The following ZNF367 variants were observed in gnomAD, a reference collection of about 807,000 sequenced individuals.
ZNF367 encodes C2H2 zinc finger protein ZFF29.
A neutral mutation model predicts 31.8 loss-of-function variants in ZNF367; 11 were observed. The observed-to-expected ratio is 0.35, with a 90% CI of 0.22 to 0.57. The LOEUF is 0.57. ZNF367 is among the 20% of genes least tolerant of loss of function. The pLI is 0.85. For synonymous variants in ZNF367, 199 were observed against 202.4 expected (o/e 0.98, Z 0.14); for missense variants, 353 against 484.1 (o/e 0.73, Z 2.54).
intron 1 of ZNF367, chr9:96,407,321 G>A (rs13301347): frequency 0.03 from 47,461 of 1,566,814 alleles, 867 homozygotes; most frequent in Middle Eastern, 0.053. Flanking sequence ...CACCGTAAAC[G>A]CTATGGATAC....
chr9:96,411,357 G>A (rs1307773585), intron 1 of ZNF367, among the ~76,000 whole-genome samples: 1 of 151,666 alleles, frequency 6.6e-6, no homozygotes, highest in South Asian at 2.1e-4. Flanking sequence ...GATCAGCCTG[G>A]GCAGCATAGC....
In ZNF367 at chr9:96,388,324, G is replaced by T; in HGVS notation, c.966C>A (p.Arg322=). 6.2e-7 allele frequency: 1 copy of T among 1,612,522 alleles called. No homozygotes were observed. The highest frequency in any genetic ancestry group is 8.5e-7 in the Non-Finnish European group (1 of 1,180,016). The part of the protein sequence containing the change: ...EEDDEKRGAQ[R]RLQEQRERLH... The stretch of plus-strand genomic sequence containing the variant: ...GGCGCTCCCGCTGCTCCTGCAGCCG[G>T]CGCTGGGCCCCTCTCTTCTCGTCGT... Residue 322 remains arginine, a synonymous_variant, in exon 5 of 5, where the codon CGC becomes CGA. Transcript: ENST00000375256.
In ZNF367 at chr9:96,417,066, T is replaced by C. The variant is rs1425383257; in HGVS notation, c.420+547A>G. Among the ~76,000 whole-genome samples the C allele has an allele frequency of 2.0e-5, 3 of 152,214 alleles. No homozygotes were observed. Among genetic ancestry groups the C allele is most frequent in the Non-Finnish European group, 4.4e-5 (3 of 68,032 alleles). ...GCAATTTTAGCGTCCCATTCCACTA[T>C]GTGCTCTCAACACCTAGCAAGTAGT... On this transcript the variant is annotated intron_variant, in intron 1 of 4. Coordinates refer to ENST00000375256, the MANE Select transcript of ZNF367 (RefSeq NM_153695.4). The surrounding 1 kb of genome is among the most constrained non-coding windows in gnomAD (Gnocchi z 5.0).
chr9:96,399,638 C>T (rs373242046), intron 1 of ZNF367, among the ~76,000 whole-genome samples: 11 of 152,072 alleles, frequency 7.2e-5, no homozygotes, highest in African/African-American at 1.7e-4. Context: ...GCCAACATGG[C>T]GAAACCCCAT....
At chr9:96,413,951 G>T (rs1362988295) in intron 1 of ZNF367, among the ~76,000 whole-genome samples, 9 of 151,830 alleles carry the variant, frequency 5.9e-5, no homozygotes, top group African/African-American at 2.2e-4. Flanking sequence ...AATGTTATTG[G>T]CACTGGCTAT....
chr9:96,403,734 A>G (rs139882743), intron 1 of ZNF367, among the ~76,000 whole-genome samples: 63 of 152,360 alleles, frequency 4.1e-4, no homozygotes, highest in African/African-American at 1.5e-3. Context: ...TTGATTTTCA[A>G]CAAGGGACCC....
Position 96,394,954 on chromosome 9 carries a change from G to C in ZNF367, c.572-12C>G. The C allele has an allele frequency of 5.6e-6, 9 of 1,613,252 alleles. No individual in the cohort carries two copies. In the South Asian group the frequency reaches 7.7e-5, roughly 14 times the overall value. ...ATAGGGCCTCTCACCTAAGTAGACA[G>C]ATGTTAGATATTATATCTGAGATAA... is the stretch of plus-strand genomic sequence containing the variant. On this transcript the variant is annotated splice_polypyrimidine_tract_variant and intron_variant, in intron 2 of 4. Coordinates refer to ENST00000375256, the MANE Select transcript of ZNF367 (RefSeq NM_153695.4).
chr9:96,411,382 C>CAA (rs1282481338), intron 1 of ZNF367, among the ~76,000 whole-genome samples: 2 of 118,584 alleles, frequency 1.7e-5, no homozygotes, highest in East Asian at 2.6e-4. Flanking sequence ...CCCCTGTCTA[C>CAA]AAAAAAAAAA....
chr9:96,397,858 G>A (rs1344667720), intron 2 of ZNF367, among the ~76,000 whole-genome samples: 2 of 151,978 alleles, frequency 1.3e-5, no homozygotes, highest in Non-Finnish European at 2.9e-5. Flanking sequence ...TTGGGAGGCC[G>A]AGGCAGGCGG....
At chr9:96,406,941 G>A (rs1831677732) in intron 1 of ZNF367, among the ~76,000 whole-genome samples, 1 of 136,972 alleles carries the variant, frequency 7.3e-6, no homozygotes, top group African/African-American at 2.8e-5. Context: ...GGCAGAGCTT[G>A]CAGTCAGCCG....
At chr9:96,407,645 C>T in intron 1 of ZNF367, 2 of 1,441,822 alleles carry the variant, frequency 1.4e-6, no homozygotes, top group Non-Finnish European at 9.7e-7. Flanking sequence ...TGGGAAGTCC[C>T]TCTGCCTAAA....
chr9:96,416,081 T>TTTG (rs1831825257), intron 1 of ZNF367, among the ~76,000 whole-genome samples: 3 of 147,764 alleles, frequency 2.0e-5, no homozygotes, highest in Admixed American at 6.7e-5. Context: ...GGTTTTTTTT[T>TTTG]TTGTTGTTTT....
rs1831424196 is a variant in ZNF367 at position 96,387,931 on chromosome 9, T to C, written c.*306A>G. ...AGTGTCTTATTCAGAAAGTGCTTCC[T>C]GTGAGAACTGCTTCCAATGAATGCA... is the stretch of plus-strand genomic sequence containing the variant. On this transcript the variant is annotated 3_prime_UTR_variant, in exon 5 of 5. Transcript: ENST00000375256. The C allele has an allele frequency of 3.3e-6, 1 of 304,842 alleles. No individual in the cohort carries two copies. The highest frequency in any genetic ancestry group is 2.1e-5 in the African/African-American group (1 of 46,538). The allele number at this position is 304,842 out of a possible 1,614,324, so 18.9% of individuals were successfully genotyped here. A position where few individuals can be genotyped will look rare whatever the true frequency, so the allele number is the denominator to read the frequency against.
chr9:96,392,746 G>A (rs1831486671), intron 3 of ZNF367, among the ~76,000 whole-genome samples: 1 of 152,232 alleles, frequency 6.6e-6, no homozygotes, highest in South Asian at 2.1e-4. Context: ...TCGTGGCCAT[G>A]TGTGTCCAAC....
In ZNF367 at chr9:96,392,465, C is replaced by T. The variant is rs1300022740; in HGVS notation, c.763G>A (p.Glu255Lys). Residue 255 changes from glutamate (E) to lysine (K), a missense_variant, in exon 4 of 5, where the codon GAG becomes AAG. Around this residue, in one of 5 missense-constraint regions of ZNF367, gnomAD observed 101 missense variants for 140.0 expected, o/e 0.72. Coordinates refer to ENST00000375256, the MANE Select transcript of ZNF367 (RefSeq NM_153695.4). ...TGTTTGCTGAGTGTGTCCGTGGGCT[C>T]CTCTCTCTTCAGCCTGGCGTAGGGG... ...KHPYARLKRE[E>K]PTDTLSKHQA... The T allele has an allele frequency of 1.2e-6, 2 of 1,614,066 alleles. No individual in the cohort carries two copies. Among genetic ancestry groups the T allele is most frequent in the Non-Finnish European group, 8.5e-7 (1 of 1,179,960 alleles).
intron 1 of ZNF367, among the ~76,000 whole-genome samples, chr9:96,415,479 ATTTTTTTTTTTTTTTTTTT>A (rs56349404): frequency 6.4e-4 from 24 of 37,786 alleles, no homozygotes; most frequent in Middle Eastern, 0.019. Flanking sequence ...TAGTTTCTTC[ATTTTTTTTTTTTTTTTTTT>A]TTTTTTTTTT....
intron 1 of ZNF367, among the ~76,000 whole-genome samples, chr9:96,399,307 T>C (rs1407086984): frequency 6.6e-6 from 1 of 151,994 alleles, no homozygotes; most frequent in African/African-American, 2.4e-5. Context: ...TGGGAGAAGG[T>C]GGTTGTCCTC....
intron 1 of ZNF367, chr9:96,407,303 T>C (rs1831683133): frequency 2.6e-6 from 4 of 1,557,012 alleles, no homozygotes; most frequent in Non-Finnish European, 2.7e-6. Flanking sequence ...AACGAATATA[T>C]TGAATTACAC....
chr9:96,391,588 G>A (rs191479856), intron 4 of ZNF367, among the ~76,000 whole-genome samples: 2,130 of 152,276 alleles, frequency 0.014, 46 homozygotes, highest in African/African-American at 0.048. Flanking sequence ...AGCCAGTGAA[G>A]CCTGGGTGAG....
Sources: allele counts gnomAD v4.1 joint callset (sites outside exome capture counted in the v4.1 genomes callset), GRCh38; gene constraint gnomAD v4.1.1; regional missense constraint gnomAD v4.1.1; non-coding constraint Gnocchi (gnomAD v3.1); transcripts MANE v1.5; gene names NCBI Gene and HGNC (gene_info 2026-07-23, HGNC 2026-07-21).